The following SMARCA2 variants were observed in gnomAD, a reference collection of about 807,000 sequenced individuals.
The protein encoded by SMARCA2 is SWI/SNF-related matrix-associated actin-dependent regulator of chromatin subfamily A member 2.
In SMARCA2, 61 loss-of-function variants were observed where a neutral mutation model predicts 199.8. The observed-to-expected ratio is 0.31, with a 90% CI of 0.25 to 0.38. The LOEUF (loss-of-function observed/expected upper bound fraction) is 0.38. SMARCA2 is among the 10% of genes least tolerant of loss of function. The probability of loss-of-function intolerance (pLI) is 1.00; values close to 1 mark genes in which losing one functional copy is unlikely to be tolerated. For missense variants in SMARCA2, 1,344 were observed against 2,012.2 expected (o/e 0.67, Z 6.35); for synonymous variants, 935 against 732.0 (o/e 1.28, Z -4.48).
intron 28 of SMARCA2, among the ~76,000 whole-genome samples, chr9:2,166,807 C>T (rs887782426): frequency 2.6e-5 from 4 of 152,168 alleles, no homozygotes; most frequent in African/African-American, 9.7e-5. Flanking sequence ...GCCATGCTCT[C>T]ATGTCACCCA....
intron 23 of SMARCA2, among the ~76,000 whole-genome samples, chr9:2,108,979 C>T (rs977502038): frequency 3.9e-5 from 6 of 152,200 alleles, no homozygotes; most frequent in African/African-American, 1.4e-4. Flanking sequence ...CCCCTCATTT[C>T]TAATCCCTGT....
intron 24 of SMARCA2, among the ~76,000 whole-genome samples, chr9:2,112,820 A>G (rs1250158399): frequency 1.3e-5 from 2 of 152,198 alleles, no homozygotes; most frequent in African/African-American, 4.8e-5. Context: ...GATCCATCTG[A>G]GTTTTCATTT....
At chr9:2,083,702 G>T (rs986122561) in intron 16 of SMARCA2, among the ~76,000 whole-genome samples, 1 of 152,214 alleles carries the variant, frequency 6.6e-6, no homozygotes, top group Admixed American at 6.5e-5. Context: ...TGACTGGCTC[G>T]CTGTGGGCTG....
At chr9:2,182,008 A>T (rs1170721256) in intron 30 of SMARCA2, 133 bp from the exon 31 acceptor site, 6 of 731,090 alleles carry the variant, frequency 8.2e-6, no homozygotes, top group Non-Finnish European at 1.2e-5. Flanking sequence ...CCCTGGGGTT[A>T]TGCAGTCCCA....
rs527937151 is a variant in SMARCA2, at chr9:2,149,336, G to A, written c.3982-12350G>A. ...AGTTCAAGACCAGCCTGGCCAGCATGGTGAAACCCCATCTCTACAAAAATA... is the reference window on the plus strand; with the variant it reads ...AGTTCAAGACCAGCCTGGCCAGCATAGTGAAACCCCATCTCTACAAAAATA... On this transcript the variant is annotated intron_variant, in intron 27 of 33. Transcript: ENST00000349721. 1.3e-3 allele frequency among the ~76,000 whole-genome samples: 179 copies of A among 142,538 alleles called. 2 individuals carry two copies. Among genetic ancestry groups the A allele is most frequent in the African/African-American group, 4.2e-3 (170 of 40,346 alleles). The allele number at this position is 142,538 out of a possible 152,430, so 93.5% of individuals were successfully genotyped here. A position where few individuals can be genotyped will look rare whatever the true frequency, so the allele number is the denominator to read the frequency against.
rs535103862 is a variant in SMARCA2, at chr9:2,104,637, C to G, written c.3292+468C>G. 6.6e-6 allele frequency among the ~76,000 whole-genome samples: 1 copy of G among 152,250 alleles called. No individual in the cohort carries two copies. The highest frequency in any genetic ancestry group is 1.9e-4 in the East Asian group (1 of 5,184). On this transcript the variant is annotated intron_variant, in intron 23 of 33. Coordinates refer to ENST00000349721, the MANE Select transcript of SMARCA2 (RefSeq NM_003070.5). This position sits in a 1 kb window ranked among gnomAD's most constrained non-coding sequence, Gnocchi z 4.0. ...AAAGCCCCTCTCTTCCTAAATAAGA[C>G]GTATCCACATGTTACATTGTTAAGA...
At chr9:2,066,996 C>G (rs779944412) in intron 9 of SMARCA2, among the ~76,000 whole-genome samples, 1 of 152,022 alleles carries the variant, frequency 6.6e-6, no homozygotes, top group Non-Finnish European at 1.5e-5. Context: ...AGTACATGTG[C>G]GCACCAACCA....
In SMARCA2 at chr9:2,070,403, A is replaced by T. The variant is rs746497633; in HGVS notation, c.1693-15A>T. On this transcript the variant is annotated splice_polypyrimidine_tract_variant and intron_variant, in intron 9 of 33. Coordinates refer to ENST00000349721, the MANE Select transcript of SMARCA2 (RefSeq NM_003070.5). ...ATCTTGGTTACTTATAACATTCGACATTGTTGTTTTGCAGAAGGCTGAGGA... is the reference window on the plus strand; with the variant it reads ...ATCTTGGTTACTTATAACATTCGACTTTGTTGTTTTGCAGAAGGCTGAGGA... The T allele has an allele frequency of 1.2e-6, 2 of 1,612,560 alleles. No individual in the cohort carries two copies. Among genetic ancestry groups the T allele is most frequent in the Non-Finnish European group, 1.7e-6 (2 of 1,178,720 alleles).
intron 29 of SMARCA2, among the ~76,000 whole-genome samples, chr9:2,171,723 G>A (rs894799393): frequency 6.6e-6 from 1 of 152,164 alleles, no homozygotes; most frequent in East Asian, 1.9e-4. Context: ...CAACCAACTT[G>A]GGTAAATATT....
At chr9:2,114,246 TA>T (rs1823126195) in intron 24 of SMARCA2, among the ~76,000 whole-genome samples, 1 of 152,246 alleles carries the variant, frequency 6.6e-6, no homozygotes, top group Non-Finnish European at 1.5e-5. Context: ...GAAAATAATC[TA>T]ATATAGATGG....
intron 10 of SMARCA2, chr9:2,071,974 CTCTTTT>C (rs1821109288): frequency 6.6e-6 from 1 of 152,164 alleles, no homozygotes; most frequent in Admixed American, 6.5e-5. Context: ...TAAGCCTTTT[CTCTTTT>C]TAAGGTTATT....
At chr9:2,155,654 C>G (rs372710552) in intron 27 of SMARCA2, among the ~76,000 whole-genome samples, 2 of 148,884 alleles carry the variant, frequency 1.3e-5, no homozygotes, top group Admixed American at 1.4e-4. Flanking sequence ...ATGTGTAAGC[C>G]GTAGCTCCCC....
At chr9:2,053,533 A>G (rs1820218223) in intron 5 of SMARCA2, among the ~76,000 whole-genome samples, 1 of 152,200 alleles carries the variant, frequency 6.6e-6, no homozygotes, top group Non-Finnish European at 1.5e-5. Context: ...TGGGACCATT[A>G]TAACTTTTAC....
chr9:2,030,541 C>CTTT (rs567112493), intron 2 of SMARCA2, among the ~76,000 whole-genome samples: 7 of 133,456 alleles, frequency 5.2e-5, no homozygotes, highest in East Asian at 4.4e-4. Context: ...TTTCCTCTAG[C>CTTT]TTTTTTTTTT....
At position 2,191,307 on chromosome 9, in the gene SMARCA2, GA is replaced by G; in HGVS notation, c.4637del (p.Asp1546AlafsTer21). 1 of 1,614,076 alleles carries G rather than the reference GA, an allele frequency of 6.2e-7. No individual in the cohort carries two copies. The highest frequency in any genetic ancestry group is 8.5e-7 in the Non-Finnish European group (1 of 1,179,962). ...KVKIKLNKKDDKGRDKGKGKK... is the reference protein window; with the variant it reads ...KVKIKLNKKDXKGRDKGKGKK... ...GAAAATTAAGCTCAATAAAAAAGATGACAAAGGCCGGGACAAAGGGAAAGGC... is the reference window on the plus strand; with the variant it reads ...GAAAATTAAGCTCAATAAAAAAGATGCAAAGGCCGGGACAAAGGGAAAGGC... On this transcript the variant is annotated frameshift_variant, in exon 33 of 34. Transcript: ENST00000349721. LOFTEE classifies it high-confidence loss of function.
At chr9:2,087,158 C>T (rs1821835582) in intron 18 of SMARCA2, 87 bp downstream of exon 18, 1 of 1,512,472 alleles carries the variant, frequency 6.6e-7, no homozygotes, top group South Asian at 1.2e-5. Context: ...AGCCACAGAA[C>T]ACCCGCAGGG....
At chr9:2,180,013 T>G (rs1205245730) in intron 29 of SMARCA2, among the ~76,000 whole-genome samples, 2 of 152,130 alleles carry the variant, frequency 1.3e-5, no homozygotes, top group Non-Finnish European at 2.9e-5. Flanking sequence ...TTGAAGGTGA[T>G]GGTAAATAAA....
At chr9:2,138,731 A>C (rs1824325017) in intron 27 of SMARCA2, among the ~76,000 whole-genome samples, 1 of 152,114 alleles carries the variant, frequency 6.6e-6, no homozygotes, top group Non-Finnish European at 1.5e-5. Flanking sequence ...CTGTCTCTAC[A>C]TTGGAGTCAT....
At chr9:2,022,772 C>G (rs914846671) in intron 1 of SMARCA2, among the ~76,000 whole-genome samples, 11 of 152,156 alleles carry the variant, frequency 7.2e-5, no homozygotes, top group African/African-American at 2.7e-4. Context: ...AGGGCCTAAC[C>G]TAGGAGAGAC....
Sources: allele counts gnomAD v4.1 joint callset (sites outside exome capture counted in the v4.1 genomes callset), GRCh38; gene constraint gnomAD v4.1.1; non-coding constraint Gnocchi (gnomAD v3.1); transcripts MANE v1.5; gene names NCBI Gene and HGNC (gene_info 2026-07-23, HGNC 2026-07-21).